MALL: variants seen among roughly 807,000 people sequenced by gnomAD.
The protein encoded by MALL is mal, T cell differentiation protein like.
MALL carries 2 observed loss-of-function variants against 10.3 expected under a neutral mutation model. The ratio of observed to expected loss-of-function variants is 0.19; its 90% CI spans 0.08 to 0.61. The LOEUF is 0.61. MALL is among the 20% of genes least tolerant of loss of function. MALL has a pLI of 0.88. For missense variants in MALL, 39 were observed against 115.2 expected (o/e 0.34, Z 3.03); for synonymous variants, 27 against 51.8 (o/e 0.52, Z 2.05).
chr2:110,096,710 T>TACACACACACACAC (rs61332655), intron 1 of MALL, among the ~76,000 whole-genome samples: 28 of 140,964 alleles, frequency 2.0e-4, no homozygotes, highest in African/African-American at 6.8e-4. Flanking sequence ...AAAATGTACC[T>TACACACACACACAC]ACACACACAC....
intron 1 of MALL, among the ~76,000 whole-genome samples, chr2:110,110,539 C>T (rs773669044): frequency 9.2e-5 from 14 of 151,992 alleles, no homozygotes; most frequent in Non-Finnish European, 1.8e-4. Context: ...ATACACTAAA[C>T]AGATCAATAA....
intron 1 of MALL, among the ~76,000 whole-genome samples, chr2:110,111,717 GA>G (rs1419444795): frequency 6.6e-6 from 1 of 151,146 alleles, no homozygotes; most frequent in Non-Finnish European, 1.5e-5. Context: ...ATTCTTCACA[GA>G]ATTAGAAAAA....
At chr2:110,109,330 ATAAACT>A (rs1344005472) in intron 1 of MALL, among the ~76,000 whole-genome samples, 1 of 152,160 alleles carries the variant, frequency 6.6e-6, no homozygotes, top group African/African-American at 2.4e-5. Context: ...AAGGACTCAA[ATAAACT>A]TAAAGTAAAA....
At chr2:110,099,385 T>G (rs1222498655) in intron 1 of MALL, among the ~76,000 whole-genome samples, 1 of 152,096 alleles carries the variant, frequency 6.6e-6, no homozygotes, top group Admixed American at 6.5e-5. Flanking sequence ...TCTTAGCAAG[T>G]AGGTGGATTT....
chr2:110,115,575 CCTCT>C (rs1487411402), intron 1 of MALL, 109 bp downstream of exon 1: 1 of 428,000 alleles, frequency 2.3e-6, no homozygotes, highest in Non-Finnish European at 3.5e-6. Context: ...GCTTGCTGCC[CCTCT>C]CTCTTCTCGG....
rs200647618 is a variant in MALL at position 110,098,544 on chromosome 2, T to A, written c.106-6774A>T. Among the ~76,000 whole-genome samples the A allele has an allele frequency of 1.8e-4, 27 of 152,300 alleles. No individual in the cohort carries two copies. In the East Asian group the frequency reaches 5.0e-3, roughly 28 times the overall value. On this transcript the variant is annotated intron_variant, in intron 1 of 3. Coordinates refer to ENST00000272462, the MANE Select transcript of MALL (RefSeq NM_005434.5). ...TCTGTGTTGTAGCATGTGTCAGAATTTCCTTCTTTTTCAAGGCTGAATAAT... is the reference window on the plus strand; with the variant it reads ...TCTGTGTTGTAGCATGTGTCAGAATATCCTTCTTTTTCAAGGCTGAATAAT...
At chr2:110,098,058 C>T (rs1326223418) in intron 1 of MALL, among the ~76,000 whole-genome samples, 5 of 151,910 alleles carry the variant, frequency 3.3e-5, no homozygotes, top group Non-Finnish European at 7.4e-5. Flanking sequence ...GCGTTGCCCA[C>T]GGCGGGAACC....
chr2:110,109,523 T>C (rs1433950242), intron 1 of MALL, among the ~76,000 whole-genome samples: 1 of 152,098 alleles, frequency 6.6e-6, no homozygotes, highest in African/African-American at 2.4e-5. Flanking sequence ...ACATACATGC[T>C]GCTAACACTG....
At chr2:110,103,579 G>A (rs1225334613) in intron 1 of MALL, among the ~76,000 whole-genome samples, 1 of 152,210 alleles carries the variant, frequency 6.6e-6, no homozygotes, top group African/African-American at 2.4e-5. Context: ...ATGGCGGAGA[G>A]AGCCAGCACT....
At chr2:110,102,160 G>A (rs1164796463) in intron 1 of MALL, among the ~76,000 whole-genome samples, 3 of 152,138 alleles carry the variant, frequency 2.0e-5, no homozygotes, top group Non-Finnish European at 4.4e-5. Flanking sequence ...CAGACATTTT[G>A]TGACTAATAA....
intron 1 of MALL, among the ~76,000 whole-genome samples, chr2:110,105,392 C>T (rs1678666016): frequency 6.6e-6 from 1 of 152,190 alleles, no homozygotes; most frequent in Non-Finnish European, 1.5e-5. Flanking sequence ...GTTCTCCCGT[C>T]CTTGTTTTCC....
At chr2:110,109,472 G>A (rs773617382) in intron 1 of MALL, among the ~76,000 whole-genome samples, 2 of 152,070 alleles carry the variant, frequency 1.3e-5, no homozygotes, top group Non-Finnish European at 2.9e-5. Context: ...AGTATATAAC[G>A]GTAAAAGGCC....
upstream of MALL, among the ~76,000 whole-genome samples, chr2:110,117,590 T>TGC (rs1239165422): frequency 2.5e-4 from 25 of 99,140 alleles, no homozygotes; most frequent in Admixed American, 4.0e-4. Flanking sequence ...CAAAGCAATG[T>TGC]GTGTGTGTGT....
intron 1 of MALL, among the ~76,000 whole-genome samples, chr2:110,098,772 A>G (rs1459681955): frequency 1.3e-5 from 2 of 152,174 alleles, no homozygotes; most frequent in African/African-American, 2.4e-5. Flanking sequence ...TGGGAGGCCA[A>G]GGTGGGGATC....
intron 1 of MALL, among the ~76,000 whole-genome samples, chr2:110,105,754 T>C (rs547001970): frequency 6.6e-6 from 1 of 152,312 alleles, no homozygotes; most frequent in East Asian, 1.9e-4. Context: ...GGAAGATGCC[T>C]GCCTTAAGGT....
intron 1 of MALL, among the ~76,000 whole-genome samples, chr2:110,112,573 CA>C (rs554966814): frequency 9.5e-5 from 14 of 146,612 alleles, no homozygotes; most frequent in Admixed American, 3.4e-4. Context: ...ATCAAAAAAT[CA>C]AAAAAAAAAT....
chr2:110,109,698 G>A (rs1420669109), intron 1 of MALL, among the ~76,000 whole-genome samples: 2 of 152,102 alleles, frequency 1.3e-5, no homozygotes, highest in African/African-American at 2.4e-5. Flanking sequence ...TGGAACAAAC[G>A]GACTTAACAG....
intron 1 of MALL, among the ~76,000 whole-genome samples, chr2:110,100,138 T>A (rs564416200): frequency 6.6e-6 from 1 of 152,184 alleles, no homozygotes; most frequent in East Asian, 1.9e-4. Context: ...TGAGTGAGAC[T>A]CATTCATGGA....
At chr2:110,108,243 G>A (rs1297501139) in intron 1 of MALL, among the ~76,000 whole-genome samples, 1 of 151,996 alleles carries the variant, frequency 6.6e-6, no homozygotes, top group Non-Finnish European at 1.5e-5. Flanking sequence ...AATCAGGGAG[G>A]GACCAGAAAA....
Sources: gnomAD v4.1 joint callset for allele counts (sites outside exome capture counted in the v4.1 genomes callset) on GRCh38, gnomAD v4.1.1 for gene constraint, MANE v1.5 for transcripts, NCBI Gene and HGNC (gene_info 2026-07-23, HGNC 2026-07-21) for gene names.